The following ITSN2 variants were observed in gnomAD, a reference collection of about 807,000 sequenced individuals.
ITSN2 encodes the protein intersectin-2.
Under a neutral mutation model 243.7 loss-of-function variants are expected in ITSN2, and 156 were observed. That is an observed-to-expected ratio of 0.64 (90% CI 0.56 to 0.73). ITSN2 has a LOEUF of 0.73. ITSN2 is among the 30% of genes least tolerant of loss of function. The pLI is 0.00. For missense variants in ITSN2, 1,801 were observed against 1,996.1 expected, an observed-to-expected ratio of 0.90 and a Z score of 1.86; for synonymous variants, 703 against 699.9, an observed-to-expected ratio of 1.00 and a Z score of -0.07.
intron 23 of ITSN2, among the ~76,000 whole-genome samples, chr2:24,256,047 C>T (rs1426843982): frequency 1.1e-4 from 16 of 151,698 alleles, no homozygotes; most frequent in African/African-American, 3.9e-4. Flanking sequence ...AAGCGAAATT[C>T]CATCTCAAAA....
chr2:24,299,198 A>C (rs888062611), intron 12 of ITSN2, among the ~76,000 whole-genome samples: 1 of 151,882 alleles, frequency 6.6e-6, no homozygotes, highest in African/African-American at 2.4e-5. Context: ...ACACCTGGCT[A>C]ATTTTTGTAC....
intron 17 of ITSN2, among the ~76,000 whole-genome samples, chr2:24,280,709 C>G (rs1259323756): frequency 2.6e-5 from 4 of 152,152 alleles, no homozygotes; most frequent in African/African-American, 7.2e-5. Context: ...CCATGCTTTT[C>G]TGGGGCTCCT....
chr2:24,266,067 T>G (rs1574075614), intron 20 of ITSN2, among the ~76,000 whole-genome samples: 1 of 152,224 alleles, frequency 6.6e-6, no homozygotes, highest in African/African-American at 2.4e-5. Context: ...CTTTGGAAAC[T>G]GTAAAGCACT....
chr2:24,204,853 C>A lies in ITSN2; in HGVS notation c.4762+361G>T. 2 of 410,946 alleles carry A rather than the reference C, an allele frequency of 4.9e-6. No homozygotes were observed. Among genetic ancestry groups the A allele is most frequent in the Non-Finnish European group, 9.9e-6 (2 of 202,168 alleles). The allele number at this position is 410,946 out of a possible 1,614,324, so 25.5% of individuals were successfully genotyped here. A position where few individuals can be genotyped will look rare whatever the true frequency, so the allele number is the denominator to read the frequency against. On this transcript the variant is annotated intron_variant, in intron 38 of 39. Transcript: ENST00000355123. This position sits in a 1 kb window ranked among gnomAD's most constrained non-coding sequence, Gnocchi z 5.1. ...CAGTGTTCAGAAGAGTCATCAGTGG[C>A]TGGGCGCAGTGGCACTTTGTCAGTG... is the stretch of plus-strand genomic sequence containing the variant.
intron 20 of ITSN2, among the ~76,000 whole-genome samples, chr2:24,264,283 C>T (rs766752738): frequency 2.0e-5 from 3 of 151,580 alleles, no homozygotes; most frequent in Non-Finnish European, 4.4e-5. Flanking sequence ...CCCAGCTACT[C>T]GGGAGGTGGA....
intron 2 of ITSN2, chr2:24,321,849 A>G (rs1418686449): frequency 6.6e-6 from 1 of 152,174 alleles, no homozygotes; most frequent in African/African-American, 2.4e-5. Context: ...GGGACTTTAT[A>G]TGCAGCAACT....
chr2:24,219,014 T>G (rs6707781), intron 30 of ITSN2, among the ~76,000 whole-genome samples: 97,073 of 152,018 alleles, frequency 0.64, 31,442 homozygotes, highest in East Asian at 0.77. Flanking sequence ...AGCCTGGCCC[T>G]CAGCTACTTC....
rs759804233 is a variant in ITSN2, at chr2:24,216,000, C to T, written c.3990+49G>A. Reference sequence around the variant, plus strand: ...CCTGTTGGGCTACTGTGTGCTGTTGCCTCCAGCCTCAGAAGGAGCCTGACC... The same window carrying T: ...CCTGTTGGGCTACTGTGTGCTGTTGTCTCCAGCCTCAGAAGGAGCCTGACC... On this transcript the variant is annotated intron_variant, in intron 32 of 39. Transcript: ENST00000355123. 9.0e-6 allele frequency: 13 copies of T among 1,443,206 alleles called. No individual in the cohort carries two copies. The South Asian group carries it at 1.7e-4, about 18-fold the overall frequency. The allele number at this position is 1,443,206 out of a possible 1,614,324, so 89.4% of individuals were successfully genotyped here.
At chr2:24,309,329 A>T (rs2151728022) in intron 7 of ITSN2, among the ~76,000 whole-genome samples, 1 of 152,216 alleles carries the variant, frequency 6.6e-6, no homozygotes, top group South Asian at 2.1e-4. Context: ...AGTAGCTGGG[A>T]CTACAGTCAC....
chr2:24,290,778 G>T (rs534677510), intron 15 of ITSN2, among the ~76,000 whole-genome samples: 1 of 152,180 alleles, frequency 6.6e-6, no homozygotes, highest in South Asian at 2.1e-4. Context: ...TGCCATACAT[G>T]CATGGGCTTT....
intron 17 of ITSN2, among the ~76,000 whole-genome samples, chr2:24,282,572 C>T (rs1478644943): frequency 6.6e-6 from 1 of 152,152 alleles, no homozygotes; most frequent in Non-Finnish European, 1.5e-5. Context: ...CGCCTATAGA[C>T]GGCAAACTAA....
rs1313961327 is a variant in ITSN2, at chr2:24,300,162, T to C, written c.1091A>G (p.Glu364Gly). Residue 364 changes from glutamate (E) to glycine (G), a missense_variant, in exon 12 of 40, where the codon GAG becomes GGG. By Grantham distance (98) the Glu-to-Gly change is moderately conservative. Around this residue, in one of 5 missense-constraint regions of ITSN2, gnomAD observed 787 missense variants for 803.9 expected, o/e 0.98. Coordinates refer to ENST00000355123, the MANE Select transcript of ITSN2 (RefSeq NM_006277.3). ...CTCATAGTTGGCTTTCCGTTTGTCC[T>C]CAAAAGTAACTGAACAAGGTATGCC... ...EPQKKLPVTF[E>G]DKRKANYERG... is the part of the protein sequence containing the mutation. The C allele has an allele frequency of 1.2e-6, 2 of 1,614,148 alleles. No individual in the cohort carries two copies. The highest frequency in any genetic ancestry group is 1.7e-6 in the Non-Finnish European group (2 of 1,180,020).
intron 15 of ITSN2, among the ~76,000 whole-genome samples, chr2:24,288,938 T>C (rs1679894709): frequency 6.6e-6 from 1 of 152,178 alleles, no homozygotes; most frequent in Non-Finnish European, 1.5e-5. Context: ...GCGCTTGGCT[T>C]ACTTCACTTA....
intron 15 of ITSN2, 151 bp from the exon 16 acceptor site, chr2:24,286,502 G>T: frequency 1.8e-6 from 1 of 563,742 alleles, no homozygotes; most frequent in Non-Finnish European, 3.1e-6. Context: ...ACATTCAGTT[G>T]TTATTTCCAC....
At chr2:24,272,392 G>C (rs62140022) in intron 18 of ITSN2, among the ~76,000 whole-genome samples, 5 of 150,884 alleles carry the variant, frequency 3.3e-5, no homozygotes, top group Non-Finnish European at 7.4e-5. Context: ...TGTTGCTGTG[G>C]AAATAGGAAA....
chr2:24,231,008 C>CT (rs1558456279), intron 29 of ITSN2, among the ~76,000 whole-genome samples: 32 of 152,162 alleles, frequency 2.1e-4, no homozygotes, highest in African/African-American at 7.5e-4. Context: ...TTTGCAGGTG[C>CT]AAAATCTGCC....
In ITSN2 at chr2:24,257,997, C is replaced by G; in HGVS notation, c.2779G>C (p.Val927Leu). 6.2e-7 allele frequency: 1 copy of G among 1,614,022 alleles called. No homozygotes were observed. The highest frequency in any genetic ancestry group is 1.1e-5 in the South Asian group (1 of 91,082). Residue 927 changes from valine (V) to leucine (L), a missense_variant, in exon 23 of 40, where the codon GTC (valine) becomes CTC (leucine). By Grantham distance (32) the Val-to-Leu change is conservative. This residue lies in a region of ITSN2 where 928 missense variants were observed against 1,065.4 expected (regional missense o/e 0.87). Coordinates refer to ENST00000355123, the MANE Select transcript of ITSN2 (RefSeq NM_006277.3). ...LNFSKHDIIT[V>L]LEQQENWWFG... Reference sequence around the variant, plus strand: ...CACCAATTTTCTTGCTGCTCCAAGACAGTAATAATGTCATGTTTTGAGAAG... The same window carrying G: ...CACCAATTTTCTTGCTGCTCCAAGAGAGTAATAATGTCATGTTTTGAGAAG...
At position 24,261,739 on chromosome 2, in the gene ITSN2, C is replaced by A; in HGVS notation, c.2359G>T (p.Asp787Tyr). The change falls in exon 21 of 40, where the codon GAT (aspartate) becomes TAT (tyrosine). Residue 787 changes from aspartate to tyrosine, a missense_variant. Around this residue, in one of 5 missense-constraint regions of ITSN2, gnomAD observed 787 missense variants for 803.9 expected, o/e 0.98. Coordinates refer to ENST00000355123, the MANE Select transcript of ITSN2 (RefSeq NM_006277.3). The part of the protein sequence containing the change: ...SFNSGDIIQV[D>Y]EKTVGEPGWL... ...CCAGGTTCTCCTACGGTTTTTTCAT[C>A]AACCTACGGAAATAAAAAGAAGGAT... 1 of 1,610,088 alleles carries A rather than the reference C, an allele frequency of 6.2e-7. No homozygotes were observed. The highest frequency in any genetic ancestry group is 8.5e-7 in the Non-Finnish European group (1 of 1,177,960).
intron 29 of ITSN2, among the ~76,000 whole-genome samples, chr2:24,223,546 G>A (rs1348994526): frequency 5.9e-5 from 9 of 151,872 alleles, no homozygotes; most frequent in East Asian, 3.9e-4. Context: ...TTAGCCAGGC[G>A]TGGTGGCATG....
Sources: gnomAD v4.1 joint callset for allele counts (sites outside exome capture counted in the v4.1 genomes callset) on GRCh38, gnomAD v4.1.1 for gene constraint, gnomAD v4.1.1 regional missense constraint, Gnocchi (gnomAD v3.1) non-coding constraint, MANE v1.5 for transcripts, NCBI Gene and HGNC (gene_info 2026-07-23, HGNC 2026-07-21) for gene names.